PTPRD: variants seen among roughly 807,000 people sequenced by gnomAD.
The protein encoded by PTPRD is receptor-type tyrosine-protein phosphatase delta.
Under a neutral mutation model 214.5 loss-of-function variants are expected in PTPRD, and 34 were observed. The ratio of observed to expected loss-of-function variants is 0.16; its 90% CI spans 0.12 to 0.21. The LOEUF is 0.21. PTPRD is among the 10% of genes least tolerant of loss of function. The pLI is 1.00. For missense variants in PTPRD, 2,545 were observed against 2,398.7 expected, an observed-to-expected ratio of 1.06 and a Z score of -1.27; for synonymous variants, 1,128 against 845.7, an observed-to-expected ratio of 1.33 and a Z score of -5.79.
At chr9:8,484,581 C>T (rs1241380454) in intron 29 of PTPRD, among the ~76,000 whole-genome samples, 2 of 123,836 alleles carry the variant, frequency 1.6e-5, no homozygotes, top group African/African-American at 7.0e-5. Context: ...TAAAATGTTT[C>T]CAAGTCTATC....
intron 3 of PTPRD, among the ~76,000 whole-genome samples, chr9:10,302,180 A>C (rs2095881428): frequency 6.6e-6 from 1 of 152,210 alleles, no homozygotes; most frequent in South Asian, 2.1e-4. Context: ...TTCATAAGTG[A>C]AGGAGAAATA....
chr9:9,519,441 C>A (rs1450990868), intron 8 of PTPRD, among the ~76,000 whole-genome samples: 2 of 151,658 alleles, frequency 1.3e-5, no homozygotes, highest in African/African-American at 4.8e-5. Context: ...TAAGAAAATC[C>A]TGAAAGCCTA....
intron 2 of PTPRD, among the ~76,000 whole-genome samples, chr9:10,499,882 TTAAAAAAATGTTAATTTTAAAAAA>T (rs2043148953): frequency 6.6e-6 from 1 of 151,842 alleles, no homozygotes; most frequent in African/African-American, 2.4e-5. Flanking sequence ...ATATATCTTT[TTAAAAAAATGTTAATTTTAAAAAA>T]TTACAAAATT....
chr9:9,942,379 A>G (rs964155393), intron 4 of PTPRD, among the ~76,000 whole-genome samples: 2 of 152,142 alleles, frequency 1.3e-5, no homozygotes, highest in South Asian at 2.1e-4. Flanking sequence ...TTACTGATAT[A>G]CCATAATTTA....
At chr9:9,472,963 T>G (rs2094731562) in intron 8 of PTPRD, among the ~76,000 whole-genome samples, 1 of 152,182 alleles carries the variant, frequency 6.6e-6, no homozygotes, top group Non-Finnish European at 1.5e-5. Flanking sequence ...ATTTATTATT[T>G]CTTTGTGTTG....
At chr9:8,819,132 A>T (rs1194542828) in intron 11 of PTPRD, among the ~76,000 whole-genome samples, 1 of 152,202 alleles carries the variant, frequency 6.6e-6, no homozygotes. Context: ...ATCAAAGGAA[A>T]TCACTATCTT....
At chr9:9,447,883 C>T (rs780220165) in intron 8 of PTPRD, among the ~76,000 whole-genome samples, 7 of 151,966 alleles carry the variant, frequency 4.6e-5, no homozygotes, top group Non-Finnish European at 1.0e-4. Flanking sequence ...GAGGTCAGTG[C>T]CGTTGGGCCA....
At chr9:9,029,100 A>G (rs1184257804) in intron 10 of PTPRD, among the ~76,000 whole-genome samples, 1 of 151,936 alleles carries the variant, frequency 6.6e-6, no homozygotes, top group Non-Finnish European at 1.5e-5. Flanking sequence ...AGTCATTATT[A>G]TCTATTAAAA....
At chr9:9,106,033 G>C (rs1270504599) in intron 10 of PTPRD, among the ~76,000 whole-genome samples, 1 of 152,064 alleles carries the variant, frequency 6.6e-6, no homozygotes, top group Non-Finnish European at 1.5e-5. Context: ...TAGAAAAGGG[G>C]GGGTCGATGG....
In PTPRD at chr9:8,868,204, A is replaced by G. The variant is rs533893734; in HGVS notation, c.-103-134258T>C. On this transcript the variant is annotated intron_variant, in intron 11 of 45. Coordinates refer to ENST00000381196, the MANE Select transcript of PTPRD (RefSeq NM_002839.4). ...CTAGCATCTATATTTTAATTCATTT[A>G]TTTGTTTATATTTTGAGACAGAGTC... 7.2e-5 allele frequency among the ~76,000 whole-genome samples: 11 copies of G among 151,936 alleles called. No homozygotes were observed. In the East Asian group the frequency reaches 2.1e-3, roughly 30 times the overall value.
intron 7 of PTPRD, among the ~76,000 whole-genome samples, chr9:9,733,737 G>A (rs1192409366): frequency 4.0e-5 from 6 of 151,868 alleles, no homozygotes; most frequent in Admixed American, 3.9e-4. Context: ...AGATGAGTTG[G>A]GACATCCAGT....
At chr9:9,572,059 A>C (rs1045024355) in intron 8 of PTPRD, among the ~76,000 whole-genome samples, 2 of 151,234 alleles carry the variant, frequency 1.3e-5, no homozygotes, top group African/African-American at 4.8e-5. Flanking sequence ...AAATGAAAAA[A>C]CCCTAATAAA....
chr9:9,980,854 G>C (rs1389512904), intron 4 of PTPRD, among the ~76,000 whole-genome samples: 1 of 79,720 alleles, frequency 1.3e-5, no homozygotes, highest in Non-Finnish European at 3.0e-5. Flanking sequence ...AAATGTTCAA[G>C]CTTGTTTGCA....
At chr9:10,272,150 T>G (rs1263766969) in intron 3 of PTPRD, among the ~76,000 whole-genome samples, 1 of 152,172 alleles carries the variant, frequency 6.6e-6, no homozygotes, top group Non-Finnish European at 1.5e-5. Context: ...TCTATGTATC[T>G]CTCTATATCT....
At chr9:9,354,944 G>A (rs1339683210) in intron 9 of PTPRD, among the ~76,000 whole-genome samples, 1 of 151,802 alleles carries the variant, frequency 6.6e-6, no homozygotes, top group African/African-American at 2.4e-5. Context: ...GGAGGAAAAT[G>A]TGACAGTAGT....
intron 9 of PTPRD, among the ~76,000 whole-genome samples, chr9:9,266,961 A>G (rs1940097751): frequency 6.6e-6 from 1 of 151,330 alleles, no homozygotes; most frequent in Non-Finnish European, 1.5e-5. Flanking sequence ...GCATAAATAA[A>G]TGAAATAGAG....
At chr9:8,838,528 T>C (rs1187637853) in intron 11 of PTPRD, among the ~76,000 whole-genome samples, 1 of 151,606 alleles carries the variant, frequency 6.6e-6, no homozygotes, top group Non-Finnish European at 1.5e-5. Context: ...CTGAACTTTG[T>C]AATATTTTCT....
chr9:10,353,859 C>T (rs993382377), intron 2 of PTPRD, among the ~76,000 whole-genome samples: 3 of 151,824 alleles, frequency 2.0e-5, no homozygotes, highest in Non-Finnish European at 4.4e-5. Context: ...AAAACTACCA[C>T]AAAACACAAC....
chr9:8,892,661 GTATATATA>G (rs1334063777), intron 11 of PTPRD, among the ~76,000 whole-genome samples: 3 of 138,146 alleles, frequency 2.2e-5, no homozygotes, highest in African/African-American at 8.4e-5. Context: ...ATATATGAGT[GTATATATA>G]TGTGTATATA....
Sources: gnomAD v4.1 joint callset for allele counts (sites outside exome capture counted in the v4.1 genomes callset) on GRCh38, gnomAD v4.1.1 for gene constraint, MANE v1.5 for transcripts, NCBI Gene and HGNC (gene_info 2026-07-23, HGNC 2026-07-21) for gene names.